Variants in GLB1 observed in about 807,000 individuals in gnomAD.
GLB1 encodes beta-galactosidase.
A neutral mutation model predicts 74.0 loss-of-function variants in GLB1; 56 were observed. The ratio of observed to expected loss-of-function variants is 0.76; its 90% CI spans 0.61 to 0.94. The LOEUF (loss-of-function observed/expected upper bound fraction) is 0.94. GLB1 is among the 40% of genes least tolerant of loss of function. The pLI, the probability that GLB1 is intolerant of heterozygous loss-of-function variation, is 0.00. For missense variants in GLB1, 787 were observed against 845.5 expected (o/e 0.93, Z 0.86); for synonymous variants, 323 against 323.6 (o/e 1.00, Z 0.02).
In GLB1 at chr3:33,014,782, C is replaced by T. The variant is rs547759866; in HGVS notation, c.1480-472G>A. Among the ~76,000 whole-genome samples, 88 of 152,282 alleles carry T rather than the reference C, an allele frequency of 5.8e-4. 1 individual carries two copies. Among genetic ancestry groups the T allele is most frequent in the African/African-American group, 1.9e-3 (79 of 41,564 alleles). On this transcript the variant is annotated intron_variant, in intron 14 of 15. Transcript: ENST00000307363. ...AGGAGTTCAAGACCAACCTGGCCAACATGATGAAACCCCATCTTTACTAAA... is the reference window on the plus strand; with the variant it reads ...AGGAGTTCAAGACCAACCTGGCCAATATGATGAAACCCCATCTTTACTAAA...
At chr3:33,078,368 T>C (rs191812316) in intron 1 of GLB1, among the ~76,000 whole-genome samples, 128 of 152,318 alleles carry the variant, frequency 8.4e-4, no homozygotes, top group Non-Finnish European at 1.3e-3. Flanking sequence ...CTGATGGAAA[T>C]TGTGTGAAGG....
At chr3:32,981,399 C>CAAAAAAAAA in the GLB1 span, among the ~76,000 whole-genome samples, 1 of 90,468 alleles carries the variant, frequency 1.1e-5, no homozygotes, top group African/African-American at 5.2e-5. Context: ...GACTCCATCT[C>CAAAAAAAAA]AAAAAAAAAA....
At chr3:33,065,695 C>T (rs1338943561) in intron 4 of GLB1, 138 bp from the exon 5 acceptor site, 20 of 988,878 alleles carry the variant, frequency 2.0e-5, no homozygotes, top group African/African-American at 1.1e-4. Context: ...TGGCTGGGTG[C>T]GGTGGCTCAC....
chr3:33,093,542 G>A lies in GLB1; in HGVS notation c.75+3469C>T. On this transcript the variant is annotated intron_variant, in intron 1 of 15. Coordinates refer to ENST00000307363, the MANE Select transcript of GLB1 (RefSeq NM_000404.4). The surrounding 1 kb of genome is among the most constrained non-coding windows in gnomAD (Gnocchi z 6.0). The stretch of plus-strand genomic sequence containing the variant: ...CCATCTTGGTCCTGCCCACTGTGGG[G>A]CCCAAGTGAATGTCTGAGAGGAGCA... The A allele has an allele frequency of 1.2e-6, 2 of 1,614,208 alleles. No individual in the cohort carries two copies. Among genetic ancestry groups the A allele is most frequent in the Non-Finnish European group, 1.7e-6 (2 of 1,180,036 alleles).
Position 33,093,418 on chromosome 3 carries a change from C to T in GLB1, c.75+3593G>A, listed in dbSNP as rs1425900398. 12 of 1,614,114 alleles carry T rather than the reference C, an allele frequency of 7.4e-6. No individual in the cohort carries two copies. Among genetic ancestry groups the T allele is most frequent in the East Asian group, 2.2e-5 (1 of 44,876 alleles). On this transcript the variant is annotated intron_variant, in intron 1 of 15. Coordinates refer to ENST00000307363, the MANE Select transcript of GLB1 (RefSeq NM_000404.4). The surrounding 1 kb of genome is among the most constrained non-coding windows in gnomAD (Gnocchi z 6.0). ...TGTGAATGAAGCTGGCCCAGAGGAG[C>T]GACAGCCGTCCGCAGGACCGAGGCT...
chr3:33,031,052 A>G (rs1202450399), intron 10 of GLB1, among the ~76,000 whole-genome samples: 1 of 152,194 alleles, frequency 6.6e-6, no homozygotes, highest in African/African-American at 2.4e-5. Context: ...TTGAAGATTC[A>G]TATGAAGACA....
chr3:32,981,810 C>T, the GLB1 span, among the ~76,000 whole-genome samples: 4 of 151,936 alleles, frequency 2.6e-5, no homozygotes, highest in Middle Eastern at 3.4e-3. Context: ...CTGATACTAA[C>T]AAAGTTACGT....
At chr3:33,045,911 A>G (rs919443333) in intron 10 of GLB1, 7 of 829,292 alleles carry the variant, frequency 8.4e-6, no homozygotes, top group Admixed American at 8.2e-5. Flanking sequence ...TACATGTCTT[A>G]TATCTCCTAC....
intron 10 of GLB1, among the ~76,000 whole-genome samples, chr3:33,032,337 A>C (rs1274066728): frequency 6.6e-6 from 1 of 152,118 alleles, no homozygotes; most frequent in African/African-American, 2.4e-5. Flanking sequence ...CTTATGGAGA[A>C]ATCTGTCTAC....
chr3:33,022,556 T>C (rs1697535288), intron 11 of GLB1, among the ~76,000 whole-genome samples: 1 of 135,626 alleles, frequency 7.4e-6, no homozygotes, highest in East Asian at 2.1e-4. Context: ...ACTATAATAC[T>C]GGTTAGGATT....
At chr3:33,091,338 G>C in intron 1 of GLB1, 1 of 985,534 alleles carries the variant, frequency 1.0e-6, no homozygotes, top group Non-Finnish European at 1.2e-6. Flanking sequence ...GGACAAGGAG[G>C]AAAGGAAGAA....
intron 1 of GLB1, chr3:33,094,038 T>G: frequency 6.2e-7 from 1 of 1,613,978 alleles, no homozygotes; most frequent in East Asian, 2.2e-5. Context: ...CAAGAGCGAG[T>G]TGACAAACAG....
chr3:33,051,935 C>A lies in GLB1; in HGVS notation c.862G>T (p.Ala288Ser). ...GQPHSTIKTEAVASSLYDILA... is the reference protein window; with the variant it reads ...GQPHSTIKTESVASSLYDILA... Reference sequence around the variant, plus strand: ...ATATCATAGAGGGAGGAAGCCACTGCTTCGGTCTTGATTGTGGAGTGAGGT... The same window carrying A: ...ATATCATAGAGGGAGGAAGCCACTGATTCGGTCTTGATTGTGGAGTGAGGT... The change falls in exon 8 of 16, where the codon GCA becomes TCA. Residue 288 changes from alanine (A) to serine (S), a missense_variant. Transcript: ENST00000307363. 1 of 1,614,234 alleles carries A rather than the reference C, an allele frequency of 6.2e-7. No individual in the cohort carries two copies. Among genetic ancestry groups the A allele is most frequent in the Non-Finnish European group, 8.5e-7 (1 of 1,180,040 alleles).
intron 10 of GLB1, chr3:33,045,171 A>T: frequency 3.9e-6 from 1 of 254,624 alleles, no homozygotes; most frequent in Non-Finnish European, 6.2e-6. Flanking sequence ...TTCAAGCTTT[A>T]CAGCACAACC....
chr3:33,031,819 CAG>C (rs764184084), intron 10 of GLB1, among the ~76,000 whole-genome samples: 6 of 151,222 alleles, frequency 4.0e-5, no homozygotes, highest in South Asian at 2.1e-4. Context: ...GTTTTTGAGA[CAG>C]AGTTTTGCTC....
Position 33,058,122 on chromosome 3 carries a change from G to A in GLB1, c.700C>T (p.Gln234Ter), listed in dbSNP as rs1362924687. 6.2e-7 allele frequency: 1 copy of A among 1,614,038 alleles called. No individual in the cohort carries two copies. ...HKTFLKCGAL[Q>*]GLYTTVDFGT... ...AAGTCCACCGTGGTGTAGAGGCCCT[G>A]CAGGGCCCCACATTTCAGGAATGTT... Residue 234 changes from glutamine (Q) to a stop codon, truncating the protein, a stop_gained, in exon 6 of 16, where the codon CAG becomes TAG. Transcript: ENST00000307363. LOFTEE classifies it high-confidence loss of function.
At chr3:33,046,446 C>CA (rs1698743467) in intron 9 of GLB1, among the ~76,000 whole-genome samples, 1 of 152,020 alleles carries the variant, frequency 6.6e-6, no homozygotes. Flanking sequence ...TAGAGTTTAC[C>CA]AAGGACTCTT....
the GLB1 span, among the ~76,000 whole-genome samples, chr3:32,973,293 C>A: frequency 6.6e-6 from 1 of 151,994 alleles, no homozygotes; most frequent in Admixed American, 6.6e-5. Flanking sequence ...ATGTGGGTGA[C>A]CTGTGTGTGT....
At chr3:33,070,103 C>A (rs1699838038) in intron 2 of GLB1, among the ~76,000 whole-genome samples, 1 of 152,166 alleles carries the variant, frequency 6.6e-6, no homozygotes, top group Non-Finnish European at 1.5e-5. Context: ...TAGCCTCCAG[C>A]TGCATCCAGT....
Sources: allele counts gnomAD v4.1 joint callset (sites outside exome capture counted in the v4.1 genomes callset), GRCh38; gene constraint gnomAD v4.1.1; non-coding constraint Gnocchi (gnomAD v3.1); transcripts MANE v1.5; gene names NCBI Gene and HGNC (gene_info 2026-07-23, HGNC 2026-07-21).